The following MCM3AP variants were observed in gnomAD, a reference collection of about 807,000 sequenced individuals.
MCM3AP encodes the protein germinal-center associated nuclear protein.
MCM3AP carries 126 observed loss-of-function variants against 184.1 expected under a neutral mutation model. The observed-to-expected ratio is 0.68, with a 90% CI of 0.59 to 0.79. The LOEUF (loss-of-function observed/expected upper bound fraction) is 0.79, where lower values mean the gene tolerates loss of function less well. Ranked by LOEUF, MCM3AP falls within the 30% of genes least tolerant of loss-of-function variation. The probability of loss-of-function intolerance (pLI) is 0.00; values close to 1 mark genes in which losing one functional copy is unlikely to be tolerated. For synonymous variants in MCM3AP, 1,002 were observed against 979.3 expected (o/e 1.02, Z -0.43); for missense variants, 2,496 against 2,479.2 (o/e 1.01, Z -0.14).
At chr21:46,266,701 A>G (rs1834669723) in intron 10 of MCM3AP, 1 of 427,682 alleles carries the variant, frequency 2.3e-6, no homozygotes, top group Non-Finnish European at 4.2e-6. Flanking sequence ...AAGGGAAAGA[A>G]TAAAGAAGGC....
intron 4 of MCM3AP, 114 bp downstream of exon 4, chr21:46,279,879 T>A: frequency 1.0e-5 from 10 of 990,896 alleles, no homozygotes; most frequent in Admixed American, 3.0e-5. Context: ...CCCTAGCAAC[T>A]GGCTTTTGTC....
rs1363447055 is a variant in MCM3AP, at chr21:46,241,764, C to A, written c.5427-747G>T. ...CCTGTCAACAACCTAGTCTGAACCT[C>A]AATGGTTCAGGTTTCCTTTGCACAT... On this transcript the variant is annotated intron_variant, in intron 25 of 27. Coordinates refer to ENST00000291688, the MANE Select transcript of MCM3AP (RefSeq NM_003906.5). 5 of 152,180 alleles carry A rather than the reference C, an allele frequency of 3.3e-5. No individual in the cohort carries two copies. In the East Asian group the frequency reaches 9.6e-4, roughly 29 times the overall value. The allele number at this position is 152,180 out of a possible 1,614,324, so 9.4% of individuals were successfully genotyped here. A position where few individuals can be genotyped will look rare whatever the true frequency, so the allele number is the denominator to read the frequency against.
intron 20 of MCM3AP, chr21:46,250,567 C>G (rs1461005822): frequency 6.6e-6 from 1 of 152,266 alleles, no homozygotes; most frequent in Non-Finnish European, 1.5e-5. Flanking sequence ...ATGCTGTCAG[C>G]TGGGGAGAGG....
chr21:46,282,335 C>T (rs1321862974), intron 2 of MCM3AP, among the ~76,000 whole-genome samples: 3 of 151,978 alleles, frequency 2.0e-5, no homozygotes. Context: ...TGCCAACAGA[C>T]GAATCAACAA....
chr21:46,253,600 C>T (rs17176737), intron 19 of MCM3AP: 6,890 of 151,142 alleles, frequency 0.046, 219 homozygotes, highest in Non-Finnish European at 0.068. Context: ...TGAGCTCTCA[C>T]GAGATCTGGT....
chr21:46,243,662 C>T lies in MCM3AP; in HGVS notation c.5099G>A (p.Arg1700His), dbSNP rs749235018. 17 of 1,614,070 alleles carry T rather than the reference C, an allele frequency of 1.1e-5. No individual in the cohort carries two copies. Among genetic ancestry groups the T allele is most frequent in the South Asian group, 4.4e-5 (4 of 91,090 alleles). The change falls in exon 24 of 28, where the codon CGC becomes CAC. Residue 1700 changes from arginine to histidine, a missense_variant. Arg to His is a conservative substitution (Grantham distance 29, BLOSUM62 0). Transcript: ENST00000291688. ...GGACTGGAGGACAGGCTGTGTCTGG[C>T]GTGAGCTGGGGATCTGGGAGGCGTA... is the stretch of plus-strand genomic sequence containing the variant. ...VQYASQIPSS[R>H]QTQPVLQSQV...
intron 10 of MCM3AP, 25 bp downstream of exon 10, chr21:46,266,957 C>T (rs745550295): frequency 3.7e-6 from 6 of 1,613,138 alleles, no homozygotes; most frequent in Non-Finnish European, 5.1e-6. Context: ...GACAGGGGCC[C>T]CACAGTTCCA....
At position 46,238,656 on chromosome 21, in the gene MCM3AP, C is replaced by A. The variant is rs1191062177; in HGVS notation, c.5634-1677G>T. 1.9e-4 allele frequency among the ~76,000 whole-genome samples: 23 copies of A among 119,968 alleles called. 4 individuals are homozygous for A. The highest frequency in any genetic ancestry group is 3.5e-5 in the Non-Finnish European group (2 of 56,696). The allele number at this position is 119,968 out of a possible 152,430, so 78.7% of individuals were successfully genotyped here. A position where few individuals can be genotyped will look rare whatever the true frequency, so the allele number is the denominator to read the frequency against. On this transcript the variant is annotated intron_variant, in intron 26 of 27. Coordinates refer to ENST00000291688, the MANE Select transcript of MCM3AP (RefSeq NM_003906.5). ...CTGGGAGGTGGAGGTTGCAGTGAGT[C>A]GAGATTGTGCCACTGCACTCTAGCC...
intron 17 of MCM3AP, chr21:46,256,434 C>G: frequency 3.7e-6 from 1 of 271,994 alleles, no homozygotes. Flanking sequence ...TCGGAAGACA[C>G]AGGCCAGCGT....
intron 3 of MCM3AP, 109 bp from the exon 4 acceptor site, chr21:46,280,246 G>C (rs1039001100): frequency 4.8e-6 from 6 of 1,249,304 alleles, no homozygotes; most frequent in African/African-American, 1.5e-5. Flanking sequence ...GTCACAGGAG[G>C]TTAGAGAAGA....
At chr21:46,255,221 C>A (rs908175814) in intron 17 of MCM3AP, among the ~76,000 whole-genome samples, 5 of 151,890 alleles carry the variant, frequency 3.3e-5, no homozygotes, top group African/African-American at 1.2e-4. Flanking sequence ...TGAGCAAAGA[C>A]CTGAAGGAAA....
chr21:46,262,544 A>C (rs543648370), intron 13 of MCM3AP, among the ~76,000 whole-genome samples: 1 of 152,204 alleles, frequency 6.6e-6, no homozygotes, highest in Non-Finnish European at 1.5e-5. Context: ...GCTACTTGGG[A>C]GGCTGAGGTG....
intron 26 of MCM3AP, among the ~76,000 whole-genome samples, 157 bp from the exon 27 acceptor site, chr21:46,237,136 C>G (rs1227786333): frequency 2.4e-5 from 3 of 127,176 alleles, no homozygotes; most frequent in African/African-American, 9.0e-5. Context: ...GAGTCTCACT[C>G]TGTTGCCCAG....
In MCM3AP at chr21:46,243,572, T is replaced by A; in HGVS notation, c.5189A>T (p.His1730Leu). ...CTCCATGACCGAGGGGCCTGCCCCA[T>A]GGACTGGGGAGGGACTCTTGCTCTT... is the stretch of plus-strand genomic sequence containing the variant. ...RWKSKSPSPV[H>L]GAGPSVMEIP... Residue 1730 changes from histidine to leucine, a missense_variant, in exon 24 of 28, where the codon CAT (histidine) becomes CTT (leucine). Physicochemically the swap from His to Leu is moderately conservative, Grantham distance 99. Transcript: ENST00000291688. 1 of 1,614,158 alleles carries A rather than the reference T, an allele frequency of 6.2e-7. No homozygotes were observed. The highest frequency in any genetic ancestry group is 8.5e-7 in the Non-Finnish European group (1 of 1,180,010).
rs2839169 is a variant in MCM3AP at position 46,246,418 on chromosome 21, A to G, written c.4550-14T>C. 185,299 of 1,534,644 alleles carry G rather than the reference A, an allele frequency of 0.12. 15,084 individuals carry two copies. The highest frequency in any genetic ancestry group is 0.39 in the African/African-American group (28,724 of 73,458). ...GTAGCATCAGACCTTTAAGACAGAC[A>G]TAGATGAAGGTCACTTGCATTCTGC... is the stretch of plus-strand genomic sequence containing the variant. On this transcript the variant is annotated splice_polypyrimidine_tract_variant and intron_variant, in intron 21 of 27. Coordinates refer to ENST00000291688, the MANE Select transcript of MCM3AP (RefSeq NM_003906.5).
At chr21:46,275,533 A>G (rs1346264449) in intron 5 of MCM3AP, among the ~76,000 whole-genome samples, 2 of 152,174 alleles carry the variant, frequency 1.3e-5, no homozygotes, top group African/African-American at 4.8e-5. Flanking sequence ...AAAGCTCCCA[A>G]AGACCCGAGT....
upstream of MCM3AP, chr21:46,285,646 A>C: frequency 5.3e-6 from 1 of 187,734 alleles, no homozygotes; most frequent in East Asian, 1.4e-4. Context: ...TTACTGAGTT[A>C]GTAAATTCAT....
Position 46,265,909 on chromosome 21 carries a change from C to CT in MCM3AP, c.3031+15dup. On this transcript the variant is annotated intron_variant, in intron 11 of 27. Coordinates refer to ENST00000291688, the MANE Select transcript of MCM3AP (RefSeq NM_003906.5). Reference sequence around the variant, plus strand: ...AATGCAGCTAGTCCCCTCACTACGACTGCAGCTTCACTCACCCACTGTGTC... The same window carrying CT: ...AATGCAGCTAGTCCCCTCACTACGACTTGCAGCTTCACTCACCCACTGTGTC... 2 of 1,539,728 alleles carry CT rather than the reference C, an allele frequency of 1.3e-6. No individual in the cohort carries two copies. Among genetic ancestry groups the CT allele is most frequent in the Non-Finnish European group, 1.8e-6 (2 of 1,137,654 alleles).
At chr21:46,263,340 C>A (rs2081065868) in intron 13 of MCM3AP, among the ~76,000 whole-genome samples, 2 of 151,440 alleles carry the variant, frequency 1.3e-5, no homozygotes, top group Non-Finnish European at 1.5e-5. Context: ...AAAAACAAAA[C>A]AAAACAAACA....
Sources: gnomAD v4.1 joint callset for allele counts (sites outside exome capture counted in the v4.1 genomes callset) on GRCh38, gnomAD v4.1.1 for gene constraint, MANE v1.5 for transcripts, NCBI Gene and HGNC (gene_info 2026-07-23, HGNC 2026-07-21) for gene names.